The following PLEKHG1 variants were observed in gnomAD, a reference collection of about 807,000 sequenced individuals.
PLEKHG1 encodes pleckstrin homology domain-containing family G member 1.
In PLEKHG1, 44 loss-of-function variants were observed where a neutral mutation model predicts 100.8. That is an observed-to-expected ratio of 0.44 (90% CI 0.34 to 0.56). The LOEUF is 0.56. Ranked by LOEUF, PLEKHG1 falls within the 20% of genes least tolerant of loss-of-function variation. PLEKHG1 has a pLI of 0.01. For synonymous variants in PLEKHG1, 640 were observed against 662.5 expected (o/e 0.97, Z 0.52); for missense variants, 1,545 against 1,720.9 (o/e 0.90, Z 1.81).
At chr6:150,775,197 T>A (rs1784899231) in intron 3 of PLEKHG1, among the ~76,000 whole-genome samples, 1 of 152,164 alleles carries the variant, frequency 6.6e-6, no homozygotes, top group Non-Finnish European at 1.5e-5. Context: ...ACCAGCCCCC[T>A]AAAATCCAAC....
intron 1 of PLEKHG1, among the ~76,000 whole-genome samples, chr6:150,621,010 T>G (rs1777277325): frequency 6.6e-6 from 1 of 152,180 alleles, no homozygotes; most frequent in Non-Finnish European, 1.5e-5. Flanking sequence ...TGGCCTCTCT[T>G]GGATTGAATC....
At chr6:150,800,399 A>G (rs906486549) in intron 5 of PLEKHG1, among the ~76,000 whole-genome samples, 5 of 152,266 alleles carry the variant, frequency 3.3e-5, no homozygotes, top group Non-Finnish European at 7.3e-5. Flanking sequence ...GATTGGGCGC[A>G]GCTAGGGGCT....
Position 150,745,998 on chromosome 6 carries a change from A to G in PLEKHG1, c.411+11906A>G, listed in dbSNP as rs182001754. Reference sequence around the variant, plus strand: ...TATAAGATAGACTGAGAGGAAAGAGAAAATTAAAGAGGGGAGGCTGTGGGC... The same window carrying G: ...TATAAGATAGACTGAGAGGAAAGAGGAAATTAAAGAGGGGAGGCTGTGGGC... On this transcript the variant is annotated intron_variant, in intron 2 of 15. Transcript: ENST00000358517. Among the ~76,000 whole-genome samples, 504 of 151,024 alleles carry G rather than the reference A, an allele frequency of 3.3e-3. 5 individuals are homozygous for G. The highest frequency in any genetic ancestry group is 0.012 in the African/African-American group (482 of 41,510).
At chr6:150,790,353 C>T (rs1373846356) in intron 4 of PLEKHG1, among the ~76,000 whole-genome samples, 1 of 152,152 alleles carries the variant, frequency 6.6e-6, no homozygotes, top group Non-Finnish European at 1.5e-5. Flanking sequence ...TATCTTTCAA[C>T]TTTTAAAAGT....
chr6:150,677,282 C>CCACGCACACA (rs1779788425), intron 3 of PLEKHG1, among the ~76,000 whole-genome samples: 1 of 119,352 alleles, frequency 8.4e-6, no homozygotes, highest in African/African-American at 3.3e-5. Context: ...GTTTCTTCCC[C>CCACGCACACA]TATACACACA....
intron 3 of PLEKHG1, among the ~76,000 whole-genome samples, chr6:150,668,844 C>G (rs936523266): frequency 1.3e-5 from 2 of 152,106 alleles, no homozygotes; most frequent in African/African-American, 4.8e-5. Flanking sequence ...TCTCTCTAGT[C>G]CCCCTGCTTT....
chr6:150,657,121 A>G (rs925870951), intron 3 of PLEKHG1, among the ~76,000 whole-genome samples: 6 of 152,226 alleles, frequency 3.9e-5, no homozygotes, highest in African/African-American at 1.4e-4. Flanking sequence ...ACTACCTCCA[A>G]TCTAGTAAGA....
At chr6:150,806,078 T>G (rs1787073470) in intron 7 of PLEKHG1, among the ~76,000 whole-genome samples, 1 of 152,126 alleles carries the variant, frequency 6.6e-6, no homozygotes, top group Non-Finnish European at 1.5e-5. Context: ...AGAGTGGCCT[T>G]GCCTAACTCG....
intron 4 of PLEKHG1, among the ~76,000 whole-genome samples, chr6:150,791,352 A>G (rs1293015438): frequency 3.3e-5 from 5 of 152,098 alleles, no homozygotes; most frequent in African/African-American, 1.2e-4. Flanking sequence ...ACTAGAAGGG[A>G]AAAGAATAGA....
chr6:150,645,442 A>C (rs751097617), intron 2 of PLEKHG1, among the ~76,000 whole-genome samples: 3 of 152,238 alleles, frequency 2.0e-5, no homozygotes, highest in African/African-American at 7.2e-5. Context: ...AACCATAGAC[A>C]TATGTAACTG....
chr6:150,676,278 T>A (rs1269928530), intron 3 of PLEKHG1, among the ~76,000 whole-genome samples: 1 of 152,190 alleles, frequency 6.6e-6, no homozygotes, highest in Non-Finnish European at 1.5e-5. Context: ...CAGATTCTAA[T>A]TGGATAAGTG....
intron 2 of PLEKHG1, among the ~76,000 whole-genome samples, chr6:150,647,397 A>G (rs1778549363): frequency 1.3e-5 from 2 of 152,190 alleles, no homozygotes; most frequent in African/African-American, 2.4e-5. Flanking sequence ...AGGTAAGCCT[A>G]TTTTAGACAC....
chr6:150,804,606 T>A lies in PLEKHG1; in HGVS notation c.781-4T>A. ...AAAAAAACCCTCGTTCTTTTTTGTT[T>A]AAGGAAATAGAAAACCACCTTGATA... On this transcript the variant is annotated splice_polypyrimidine_tract_variant and splice_region_variant and intron_variant, in intron 6 of 15. Coordinates refer to ENST00000358517, the Ensembl canonical transcript of PLEKHG1. 1 of 1,577,350 alleles carries A rather than the reference T, an allele frequency of 6.3e-7. No individual in the cohort carries two copies. Among genetic ancestry groups the A allele is most frequent in the Non-Finnish European group, 8.6e-7 (1 of 1,168,636 alleles).
chr6:150,725,628 C>T (rs961643018), intron 1 of PLEKHG1, among the ~76,000 whole-genome samples: 1 of 152,184 alleles, frequency 6.6e-6, no homozygotes, highest in Non-Finnish European at 1.5e-5. Flanking sequence ...CTTTGCTGTG[C>T]AGAAGCTTTC....
Position 150,788,585 on chromosome 6 carries a change from C to T in PLEKHG1, c.582+2126C>T, listed in dbSNP as rs73020876. On this transcript the variant is annotated intron_variant, in intron 4 of 15. Transcript: ENST00000358517. The stretch of plus-strand genomic sequence containing the variant: ...TCCTGAAGGACAGAAATTAAAGTTT[C>T]GTGCTGGGCAGGCCAAACCTTCTCC... 5.8e-3 allele frequency among the ~76,000 whole-genome samples: 883 copies of T among 152,226 alleles called. 5 individuals carry two copies. Among genetic ancestry groups the T allele is most frequent in the Non-Finnish European group, 8.6e-3 (584 of 68,020 alleles).
At chr6:150,754,795 T>C (rs745530546) in intron 2 of PLEKHG1, among the ~76,000 whole-genome samples, 5 of 151,528 alleles carry the variant, frequency 3.3e-5, no homozygotes, top group Middle Eastern at 3.4e-3. Context: ...CAGCCTCCAA[T>C]GTAGCTGGGA....
intron 3 of PLEKHG1, among the ~76,000 whole-genome samples, chr6:150,694,342 A>G (rs1273777819): frequency 6.6e-6 from 1 of 152,228 alleles, no homozygotes; most frequent in African/African-American, 2.4e-5. Context: ...TAGGGATGAT[A>G]GTAATATCTG....
At chr6:150,615,227 GA>G (rs1254607017) in intron 1 of PLEKHG1, among the ~76,000 whole-genome samples, 1 of 152,120 alleles carries the variant, frequency 6.6e-6, no homozygotes, top group East Asian at 1.9e-4. Flanking sequence ...GTACTTCCAG[GA>G]CCACACCTTG....
At chr6:150,737,301 T>G (rs1231722437) in intron 2 of PLEKHG1, among the ~76,000 whole-genome samples, 3 of 134,558 alleles carry the variant, frequency 2.2e-5, no homozygotes, top group Non-Finnish European at 3.3e-5. Context: ...TTTTTTTTTT[T>G]TGAGACGGAG....
Sources: allele counts gnomAD v4.1 joint callset (sites outside exome capture counted in the v4.1 genomes callset), GRCh38; gene constraint gnomAD v4.1.1; transcripts MANE v1.5; gene names NCBI Gene and HGNC (gene_info 2026-07-23, HGNC 2026-07-21).